Variants in GAREM1 observed in about 807,000 individuals in gnomAD.
GAREM1 encodes the protein GRB2 associated regulator of MAPK1 subtype 1.
A neutral mutation model predicts 71.3 loss-of-function variants in GAREM1; 26 were observed. The observed-to-expected ratio is 0.36, with a 90% CI of 0.27 to 0.51. The LOEUF (loss-of-function observed/expected upper bound fraction) is 0.51, where lower values mean the gene tolerates loss of function less well. Ranked by LOEUF, GAREM1 falls within the 20% of genes least tolerant of loss-of-function variation. The pLI is 0.95. For missense variants in GAREM1, 1,026 were observed against 1,103.1 expected (o/e 0.93, Z 0.99); for synonymous variants, 440 against 433.2 (o/e 1.02, Z -0.20).
chr18:32,350,000 C>T (rs550206193), intron 2 of GAREM1, among the ~76,000 whole-genome samples: 5 of 152,262 alleles, frequency 3.3e-5, no homozygotes, highest in South Asian at 2.1e-4. Context: ...TGAAGCAGAA[C>T]GAAGTCTTGT....
intron 2 of GAREM1, among the ~76,000 whole-genome samples, chr18:32,315,230 C>T (rs2047364247): frequency 6.6e-6 from 1 of 151,868 alleles, no homozygotes; most frequent in Admixed American, 6.6e-5. Context: ...AAACATTATA[C>T]TATAGACTAT....
chr18:32,429,939 G>C (rs2048607920), intron 1 of GAREM1, among the ~76,000 whole-genome samples: 1 of 152,152 alleles, frequency 6.6e-6, no homozygotes, highest in African/African-American at 2.4e-5. Context: ...TGGTAAACAA[G>C]TTCAAAAAAT....
intron 1 of GAREM1, among the ~76,000 whole-genome samples, chr18:32,416,634 C>G (rs1181848870): frequency 1.3e-5 from 2 of 152,054 alleles, no homozygotes; most frequent in Admixed American, 6.6e-5. Flanking sequence ...AACACAGTCT[C>G]TTCAATAAAC....
chr18:32,288,188 A>T lies in GAREM1; in HGVS notation c.409T>A (p.Cys137Ser). ...TFNVKVASGECNEDTEVYNIT... is the reference protein window; with the variant it reads ...TFNVKVASGESNEDTEVYNIT... ...TTGTAAACTTCAGTGTCTTCATTGC[A>T]TTCACCTGAAGCAACCTACAATATA... The change falls in exon 4 of 6, where the codon TGC becomes AGC. Residue 137 changes from cysteine (C) to serine (S), a missense_variant. Coordinates refer to ENST00000269209, the MANE Select transcript of GAREM1 (RefSeq NM_001242409.2). The T allele has an allele frequency of 6.2e-7, 1 of 1,604,774 alleles. No individual in the cohort carries two copies. The highest frequency in any genetic ancestry group is 8.5e-7 in the Non-Finnish European group (1 of 1,174,954).
chr18:32,363,920 A>ACACACACAC (rs1408632288), intron 2 of GAREM1, among the ~76,000 whole-genome samples: 1 of 146,660 alleles, frequency 6.8e-6, no homozygotes, highest in Admixed American at 6.9e-5. Context: ...ACACACACAT[A>ACACACACAC]AAAAAATATA....
intron 4 of GAREM1, 147 bp from the exon 5 acceptor site, chr18:32,270,530 A>T (rs1232315365): frequency 1.6e-6 from 1 of 627,852 alleles, no homozygotes; most frequent in African/African-American, 1.9e-5. Context: ...AGTAAACAAG[A>T]ATGATAGGAA....
intron 1 of GAREM1, among the ~76,000 whole-genome samples, chr18:32,466,809 C>T (rs1270426824): frequency 6.6e-6 from 1 of 152,194 alleles, no homozygotes; most frequent in Non-Finnish European, 1.5e-5. Flanking sequence ...AATTGCACTG[C>T]TGACTGGGCT....
chr18:32,275,605 C>T (rs918034503), intron 4 of GAREM1, among the ~76,000 whole-genome samples: 4 of 152,342 alleles, frequency 2.6e-5, no homozygotes, highest in Admixed American at 2.0e-4. Flanking sequence ...CTGAGCAATT[C>T]CCCGGCCTAA....
chr18:32,327,413 T>C (rs1305447405), intron 2 of GAREM1, among the ~76,000 whole-genome samples: 1 of 152,188 alleles, frequency 6.6e-6, no homozygotes, highest in Non-Finnish European at 1.5e-5. Context: ...ATCTAGTACA[T>C]GGGACAAGTG....
intron 2 of GAREM1, among the ~76,000 whole-genome samples, chr18:32,378,023 TG>T (rs1179177919): frequency 1.4e-5 from 2 of 145,482 alleles, no homozygotes; most frequent in Non-Finnish European, 3.0e-5. Flanking sequence ...TGTGTGTGTG[TG>T]TGTGTGTGTG....
intron 2 of GAREM1, among the ~76,000 whole-genome samples, chr18:32,350,799 A>G (rs371335400): frequency 6.6e-6 from 1 of 152,132 alleles, no homozygotes; most frequent in African/African-American, 2.4e-5. Context: ...TATACATGAA[A>G]CCCAACTGGT....
intron 1 of GAREM1, among the ~76,000 whole-genome samples, chr18:32,466,279 G>A (rs770472123): frequency 3.2e-4 from 47 of 148,806 alleles, no homozygotes; most frequent in African/African-American, 1.1e-3. Context: ...AAGAGAAATG[G>A]AGTAAGAATT....
chr18:32,271,271 C>T (rs940355904), intron 4 of GAREM1, among the ~76,000 whole-genome samples: 13 of 152,114 alleles, frequency 8.5e-5, no homozygotes, highest in African/African-American at 2.9e-4. Context: ...TGGCTCACTG[C>T]AACCTCTGCT....
At chr18:32,364,007 TATATATATATATATATATATG>T (rs2047895785) in intron 2 of GAREM1, among the ~76,000 whole-genome samples, 3 of 48,046 alleles carry the variant, frequency 6.2e-5, no homozygotes, top group African/African-American at 3.0e-4. Context: ...TATATATATA[TATATATATATATATATATATG>T]TTTTTTTTTT....
chr18:32,331,949 G>A (rs367662702), intron 2 of GAREM1, among the ~76,000 whole-genome samples: 55 of 151,774 alleles, frequency 3.6e-4, no homozygotes, highest in African/African-American at 1.1e-3. Flanking sequence ...CCCAGGGGAC[G>A]GGAAAAGGCA....
rs111735685 is a variant in GAREM1 at position 32,321,320 on chromosome 18, C to T, written c.263-10997G>A. Among the ~76,000 whole-genome samples the T allele has an allele frequency of 2.1e-3, 325 of 152,270 alleles. 3 individuals are homozygous for T. The highest frequency in any genetic ancestry group is 7.4e-3 in the African/African-American group (307 of 41,554). On this transcript the variant is annotated intron_variant, in intron 2 of 5. Coordinates refer to ENST00000269209, the MANE Select transcript of GAREM1 (RefSeq NM_001242409.2). ...ACCAGTACTCACTCTTTCTCCTTTG[C>T]CTTTGCTCATGCTCTTTTCTCAGTC...
At chr18:32,309,615 CAAAAAAAAAAAAAAA>C (rs11370938) in intron 3 of GAREM1, among the ~76,000 whole-genome samples, 2 of 13,864 alleles carry the variant, frequency 1.4e-4, no homozygotes, top group Non-Finnish European at 2.6e-4. Flanking sequence ...GACTCAGTCT[CAAAAAAAAAAAAAAA>C]AAAAAAAAAA....
chr18:32,350,102 C>A (rs1355138007), intron 2 of GAREM1, among the ~76,000 whole-genome samples: 2 of 152,128 alleles, frequency 1.3e-5, no homozygotes, highest in African/African-American at 4.8e-5. Context: ...TTTTTATATA[C>A]AGTAACTGGC....
intron 1 of GAREM1, among the ~76,000 whole-genome samples, chr18:32,467,314 T>C (rs2049009016): frequency 6.6e-6 from 1 of 152,184 alleles, no homozygotes; most frequent in African/African-American, 2.4e-5. Flanking sequence ...GTCCTCAAGC[T>C]CTCAGAGAGA....
Sources: allele counts gnomAD v4.1 joint callset (sites outside exome capture counted in the v4.1 genomes callset), GRCh38; gene constraint gnomAD v4.1.1; transcripts MANE v1.5; gene names NCBI Gene and HGNC (gene_info 2026-07-23, HGNC 2026-07-21).